The following MBD1 variants were observed in gnomAD, a reference collection of about 807,000 sequenced individuals.
MBD1 encodes methyl-CpG-binding domain protein 1.
In MBD1, 25 loss-of-function variants were observed where a neutral mutation model predicts 82.6. That is an observed-to-expected ratio of 0.30 (90% CI 0.22 to 0.42). The LOEUF (loss-of-function observed/expected upper bound fraction) is 0.42. Among genes scored for constraint, MBD1 ranks in the 10% least tolerant of loss-of-function variants. The pLI is 1.00. For synonymous variants in MBD1, 301 were observed against 303.7 expected (o/e 0.99, Z 0.09); for missense variants, 627 against 819.6 (o/e 0.76, Z 2.87).
At chr18:50,281,110 T>C (rs2040084571) in intron 1 of MBD1, 1 of 1,505,892 alleles carries the variant, frequency 6.6e-7, no homozygotes, top group Non-Finnish European at 8.9e-7. Context: ...CCCTTTAGCG[T>C]TCTGATCTCC....
intron 16 of MBD1, 158 bp downstream of exon 16, chr18:50,271,311 C>A (rs953660996): frequency 7.9e-6 from 12 of 1,518,870 alleles, no homozygotes; most frequent in Middle Eastern, 2.2e-4. Flanking sequence ...CCGCTTACTT[C>A]TTCTAGAAGC....
intron 10 of MBD1, among the ~76,000 whole-genome samples, chr18:50,274,567 T>C (rs1364545970): frequency 2.0e-5 from 3 of 152,304 alleles, no homozygotes; most frequent in South Asian, 2.1e-4. Context: ...CTCGATACCA[T>C]TAGGACTGTG....
chr18:50,271,568 T>C, intron 15 of MBD1, 28 bp from the exon 16 acceptor site: 1 of 1,614,124 alleles, frequency 6.2e-7, no homozygotes, highest in Non-Finnish European at 8.5e-7. Context: ...GGTCTGTATG[T>C]TGAATGAGGT....
intron 1 of MBD1, 146 bp from the exon 2 acceptor site, chr18:50,280,163 A>G: frequency 1.5e-6 from 1 of 682,908 alleles, no homozygotes; most frequent in Non-Finnish European, 2.4e-6. Flanking sequence ...TATGGAAAAG[A>G]AACCCCTCAT....
chr18:50,269,767 G>A lies in MBD1; in HGVS notation c.*84C>T, dbSNP rs140260782. 95 of 782,920 alleles carry A rather than the reference G, an allele frequency of 1.2e-4. 1 individual carries two copies. The African/African-American group carries it at 1.3e-3, about 10-fold the overall frequency. 48.5% of individuals were successfully genotyped at this position (782,920 alleles called of 1,614,324 possible). A position where few individuals can be genotyped will look rare whatever the true frequency, so the allele number is the denominator to read the frequency against. ...TGCTCGTGGGCTCCACTGTGTCCTCGGTCTCCCACACTTTACATCCATCTT... is the reference window on the plus strand; with the variant it reads ...TGCTCGTGGGCTCCACTGTGTCCTCAGTCTCCCACACTTTACATCCATCTT... On this transcript the variant is annotated 3_prime_UTR_variant, in exon 17 of 17. Coordinates refer to ENST00000269468, the MANE Select transcript of MBD1 (RefSeq NM_015846.4).
At chr18:50,277,692 C>T (rs2038561790) in intron 2 of MBD1, among the ~76,000 whole-genome samples, 1 of 152,016 alleles carries the variant, frequency 6.6e-6, no homozygotes, top group Non-Finnish European at 1.5e-5. Context: ...TTTTTGTATG[C>T]CCTGCAAGAG....
In MBD1 at chr18:50,273,661, G is replaced by A; in HGVS notation, c.1349C>T (p.Pro450Leu). The A allele has an allele frequency of 1.2e-6, 2 of 1,614,040 alleles. No individual in the cohort carries two copies. The highest frequency in any genetic ancestry group is 1.7e-6 in the Non-Finnish European group (2 of 1,180,044). Residue 450 changes from proline (P) to leucine (L), a missense_variant, in exon 12 of 17, where the codon CCC (proline) becomes CTC (leucine). This residue lies in a region of MBD1 where 265 missense variants were observed against 278.4 expected (regional missense o/e 0.95). Coordinates refer to ENST00000269468, the MANE Select transcript of MBD1 (RefSeq NM_015846.4). The part of the protein sequence containing the change: ...KQEAGGGFVL[P>L]PPGTDLVFLR... ...AAACACAAGGTCAGTGCCAGGCGGG[G>A]GCAGCACAAAGCCACCACCTGCTTC...
downstream of MBD1, chr18:50,267,432 TG>T: frequency 1.7e-6 from 1 of 591,294 alleles, no homozygotes; most frequent in Admixed American, 2.7e-5. Context: ...TATCCTAGGA[TG>T]GGGGCAGATC....
intron 1 of MBD1, chr18:50,281,079 A>G: frequency 7.3e-7 from 1 of 1,361,658 alleles, no homozygotes; most frequent in Admixed American, 2.0e-5. Flanking sequence ...TTCTCTCTCA[A>G]CTTCAGATGC....
At chr18:50,278,807 G>C (rs1272538012) in intron 2 of MBD1, among the ~76,000 whole-genome samples, 4 of 152,100 alleles carry the variant, frequency 2.6e-5, no homozygotes. Context: ...CTGAACTTTT[G>C]TTTTGTGTGT....
chr18:50,270,023 C>A, intron 16 of MBD1: 1 of 1,598,192 alleles, frequency 6.3e-7, no homozygotes, highest in Non-Finnish European at 8.5e-7. Context: ...AAATGTCAAT[C>A]AAATAAATTT....
intron 16 of MBD1, chr18:50,270,598 T>C (rs1340215722): frequency 3.0e-6 from 1 of 332,784 alleles, no homozygotes; most frequent in Non-Finnish European, 6.0e-6. Context: ...ACAAGCAAAA[T>C]GGACAGCAGC....
downstream of MBD1, chr18:50,267,590 A>G (rs1156681202): frequency 5.2e-6 from 8 of 1,532,504 alleles, no homozygotes; most frequent in Non-Finnish European, 7.0e-6. Flanking sequence ...AACACAAATC[A>G]GGGAACCAGG....
In MBD1 at chr18:50,273,773, G is replaced by C; in HGVS notation, c.1237C>G (p.Arg413Gly). Residue 413 changes from arginine (R) to glycine (G), a missense_variant, in exon 12 of 17, where the codon CGA becomes GGA. Physicochemically the swap from Arg to Gly is moderately radical, Grantham distance 125. Coordinates refer to ENST00000269468, the MANE Select transcript of MBD1 (RefSeq NM_015846.4). ...YRRRKRPSSA[R>G]RHHLGPTLKP... is the part of the protein sequence containing the mutation. ...AAGGTAGGGCCAAGATGGTGCCGTC[G>C]GGCAGAGCTGGGCCTCTTTCGACGA... 6.2e-7 allele frequency: 1 copy of C among 1,614,082 alleles called. No homozygotes were observed. The highest frequency in any genetic ancestry group is 1.1e-5 in the South Asian group (1 of 91,086).
rs1448494911 is a variant in MBD1 at position 50,276,710 on chromosome 18, C to G, written c.427G>C (p.Asp143His). ...CENCGISFSGDGTQRQRLKTL... is the reference protein window; with the variant it reads ...CENCGISFSGHGTQRQRLKTL... ...TTGAGCCGCTGCCTTTGGGTGCCAT[C>G]CCCTGAGAAGCTGATTCCACAGTTC... The change falls in exon 5 of 17, where the codon GAT (aspartate) becomes CAT (histidine). Residue 143 changes from aspartate (D) to histidine (H), a missense_variant. Around this residue, in one of 6 missense-constraint regions of MBD1, gnomAD observed 228 missense variants for 318.1 expected, o/e 0.72. Transcript: ENST00000269468. The G allele has an allele frequency of 6.2e-7, 1 of 1,614,102 alleles. No homozygotes were observed. Among genetic ancestry groups the G allele is most frequent in the Non-Finnish European group, 8.5e-7 (1 of 1,180,048 alleles).
In MBD1 at chr18:50,273,748, A is replaced by G. The variant is rs767252581; in HGVS notation, c.1262T>C (p.Leu421Ser). The change falls in exon 12 of 17, where the codon TTG becomes TCG. Residue 421 changes from leucine (L) to serine (S), a missense_variant. Coordinates refer to ENST00000269468, the MANE Select transcript of MBD1 (RefSeq NM_015846.4). Reference sequence around the variant, plus strand: ...TGTGCGTGTAGCCAAGGTGGGCTTCAAGGTAGGGCCAAGATGGTGCCGTCG... The same window carrying G: ...TGTGCGTGTAGCCAAGGTGGGCTTCGAGGTAGGGCCAAGATGGTGCCGTCG... ...SARRHHLGPT[L>S]KPTLATRTAQ... 2.7e-5 allele frequency: 44 copies of G among 1,614,010 alleles called. No homozygotes were observed. The highest frequency in any genetic ancestry group is 3.5e-5 in the Non-Finnish European group (41 of 1,180,048).
chr18:50,273,192 TTAGAC>T, intron 13 of MBD1, 137 bp downstream of exon 13: 1 of 1,341,240 alleles, frequency 7.5e-7, no homozygotes, highest in South Asian at 1.3e-5. Context: ...AGGGTGTCTG[TTAGAC>T]AGGCGGGGTA....
chr18:50,278,802 C>A (rs2039086748), intron 2 of MBD1, among the ~76,000 whole-genome samples: 1 of 152,162 alleles, frequency 6.6e-6, no homozygotes, highest in Non-Finnish European at 1.5e-5. Flanking sequence ...AGCATCTGAA[C>A]TTTTGTTTTG....
downstream of MBD1, among the ~76,000 whole-genome samples, chr18:50,268,261 C>T (rs2034178404): frequency 6.6e-6 from 1 of 152,222 alleles, no homozygotes; most frequent in East Asian, 1.9e-4. Flanking sequence ...TTCGGGGCCG[C>T]CCGTTGGGGA....
Sources: gnomAD v4.1 joint callset for allele counts (sites outside exome capture counted in the v4.1 genomes callset) on GRCh38, gnomAD v4.1.1 for gene constraint, gnomAD v4.1.1 regional missense constraint, MANE v1.5 for transcripts, NCBI Gene and HGNC (gene_info 2026-07-23, HGNC 2026-07-21) for gene names.